The following NTPCR variants were observed in gnomAD, a reference collection of about 807,000 sequenced individuals.
NTPCR encodes nucleoside-triphosphatase, cancer-related.
NTPCR carries 15 observed loss-of-function variants against 19.5 expected under a neutral mutation model. The observed-to-expected ratio is 0.77, with a 90% CI of 0.51 to 1.18. The LOEUF (loss-of-function observed/expected upper bound fraction) is 1.18, where lower values mean the gene tolerates loss of function less well. NTPCR is among the 50% of genes most tolerant of loss of function. The probability of loss-of-function intolerance (pLI) is 0.00; values close to 1 mark genes in which losing one functional copy is unlikely to be tolerated. For synonymous variants in NTPCR, 90 were observed against 95.8 expected, an observed-to-expected ratio of 0.94 and a Z score of 0.36; for missense variants, 206 against 240.4, an observed-to-expected ratio of 0.86 and a Z score of 0.95.
intron 4 of NTPCR, chr1:232,976,373 A>C (rs913043116): frequency 6.5e-7 from 1 of 1,547,940 alleles, no homozygotes; most frequent in African/African-American, 1.4e-5. Context: ...GACCAGAGCA[A>C]ATTCTCCAGC....
At chr1:232,970,222 CT>C (rs1368265007) in intron 4 of NTPCR, 104 bp downstream of exon 4, 5 of 907,458 alleles carry the variant, frequency 5.5e-6, no homozygotes, top group Non-Finnish European at 6.9e-6. Context: ...CATTTTTTCC[CT>C]TCCATGCTGA....
chr1:232,976,655 G>A (rs957521466), intron 4 of NTPCR: 28 of 1,346,266 alleles, frequency 2.1e-5, no homozygotes, highest in African/African-American at 1.3e-4. Flanking sequence ...AGCCACAGCC[G>A]CCCAGGATTG....
chr1:232,953,321 C>A (rs912709958), intron 1 of NTPCR, among the ~76,000 whole-genome samples: 17 of 152,132 alleles, frequency 1.1e-4, no homozygotes, highest in African/African-American at 4.1e-4. Context: ...GCTATCATCT[C>A]GAGGTCTCCT....
At chr1:232,968,243 T>G (rs1311426131) in intron 3 of NTPCR, 1 of 152,184 alleles carries the variant, frequency 6.6e-6, no homozygotes, top group Non-Finnish European at 1.5e-5. Context: ...AGTGCGGAGA[T>G]TGTTCAGACC....
At chr1:232,970,705 A>G (rs534356567) in intron 4 of NTPCR, among the ~76,000 whole-genome samples, 2 of 152,268 alleles carry the variant, frequency 1.3e-5, no homozygotes, top group Non-Finnish European at 2.9e-5. Context: ...TCATATTTAA[A>G]TTGAATTATT....
chr1:232,976,281 A>G, intron 4 of NTPCR: 1 of 1,421,426 alleles, frequency 7.0e-7, no homozygotes, highest in Non-Finnish European at 9.2e-7. Context: ...TGGTGATGAC[A>G]TTCAAAATCT....
intron 3 of NTPCR, among the ~76,000 whole-genome samples, chr1:232,957,939 T>C (rs182356644): frequency 6.6e-6 from 1 of 151,966 alleles, no homozygotes. Flanking sequence ...GAGTTAGTAT[T>C]GGGGTATTTG....
At chr1:232,952,010 A>G (rs2102733944) in intron 1 of NTPCR, among the ~76,000 whole-genome samples, 1 of 152,284 alleles carries the variant, frequency 6.6e-6, no homozygotes, top group South Asian at 2.1e-4. Context: ...TCAAAGTCTT[A>G]CCTACACGTA....
At chr1:232,972,971 A>G (rs186473295) in intron 4 of NTPCR, among the ~76,000 whole-genome samples, 1 of 152,228 alleles carries the variant, frequency 6.6e-6, no homozygotes, top group East Asian at 1.9e-4. Context: ...GTGGTAGTGG[A>G]GAGGTGTCCA....
At chr1:232,970,174 G>A (rs1053486643) in intron 4 of NTPCR, 56 bp downstream of exon 4, 10 of 1,371,422 alleles carry the variant, frequency 7.3e-6, no homozygotes, top group Non-Finnish European at 1.0e-5. Flanking sequence ...ATCTAAAATA[G>A]CAGATGGCTC....
intron 3 of NTPCR, among the ~76,000 whole-genome samples, chr1:232,959,323 C>T (rs1668603825): frequency 6.6e-6 from 1 of 152,172 alleles, no homozygotes; most frequent in Admixed American, 6.5e-5. Flanking sequence ...TTCTGCCTTC[C>T]ACCATGATTG....
At position 232,978,210 on chromosome 1, in the gene NTPCR, C is replaced by A. The variant is rs778224462; in HGVS notation, c.552C>A (p.Cys184Ter). Residue 184 changes from cysteine (C) to a stop codon, truncating the protein, a stop_gained, in exon 5 of 5, where the codon TGC (cysteine) becomes TGA (stop). Coordinates refer to ENST00000366628, the MANE Select transcript of NTPCR (RefSeq NM_032324.3). LOFTEE classifies it high-confidence loss of function. ...ACCTTCTGCCAGATATCGTGACGTG[C>A]GTGCAGAGCAGCAGGAAGTGAAGAC... ...RNHLLPDIVTCVQSSRK is the reference protein window; with the variant it reads ...RNHLLPDIVT 19 of 1,613,988 alleles carry A rather than the reference C, an allele frequency of 1.2e-5. No individual in the cohort carries two copies. In the Admixed American group the frequency reaches 1.7e-4, roughly 14 times the overall value.
intron 3 of NTPCR, among the ~76,000 whole-genome samples, chr1:232,958,742 G>A (rs964119305): frequency 2.0e-5 from 3 of 152,052 alleles, no homozygotes; most frequent in African/African-American, 2.4e-5. Context: ...CTGTTTTCCC[G>A]TCACATACAT....
At chr1:232,952,617 C>T (rs1226652392) in intron 1 of NTPCR, among the ~76,000 whole-genome samples, 2 of 152,054 alleles carry the variant, frequency 1.3e-5, no homozygotes, top group East Asian at 1.9e-4. Flanking sequence ...CTCAAACCAT[C>T]TTCCCACCTC....
intron 3 of NTPCR, chr1:232,962,724 C>G (rs1329444705): frequency 6.6e-6 from 1 of 152,166 alleles, no homozygotes; most frequent in Non-Finnish European, 1.5e-5. Flanking sequence ...TCAGAACACC[C>G]AGGGAAAACC....
chr1:232,954,639 T>C (rs747216513), intron 1 of NTPCR, among the ~76,000 whole-genome samples: 31 of 152,214 alleles, frequency 2.0e-4, no homozygotes, highest in Non-Finnish European at 4.3e-4. Context: ...TACCTCAGTT[T>C]CTCCATCTGT....
At chr1:232,966,115 G>A (rs1461536955) in intron 3 of NTPCR, 1 of 152,206 alleles carries the variant, frequency 6.6e-6, no homozygotes, top group Non-Finnish European at 1.5e-5. Flanking sequence ...TATGACCGGA[G>A]CCCTGCATTT....
At chr1:232,961,906 G>A (rs1040091336) in intron 3 of NTPCR, 3 of 152,118 alleles carry the variant, frequency 2.0e-5, no homozygotes, top group Non-Finnish European at 4.4e-5. Flanking sequence ...TGTATGTATA[G>A]TGTTTCAGAG....
At chr1:232,971,488 G>C (rs148141592) in intron 4 of NTPCR, among the ~76,000 whole-genome samples, 73 of 152,212 alleles carry the variant, frequency 4.8e-4, no homozygotes, top group African/African-American at 1.7e-3. Flanking sequence ...AGCCATTAGG[G>C]TTAGACCAGC....
Sources: allele counts gnomAD v4.1 joint callset (sites outside exome capture counted in the v4.1 genomes callset), GRCh38; gene constraint gnomAD v4.1.1; transcripts MANE v1.5; gene names NCBI Gene and HGNC (gene_info 2026-07-23, HGNC 2026-07-21).